CNTNAP5: variants seen among roughly 807,000 people sequenced by gnomAD.
CNTNAP5 encodes the protein contactin-associated protein-like 5.
CNTNAP5 carries 72 observed loss-of-function variants against 150.2 expected under a neutral mutation model. The observed-to-expected ratio is 0.48, with a 90% CI of 0.40 to 0.58. The LOEUF is 0.58. Ranked by LOEUF, CNTNAP5 falls within the 20% of genes least tolerant of loss-of-function variation. CNTNAP5 has a pLI of 0.00. For synonymous variants in CNTNAP5, 672 were observed against 619.8 expected, an observed-to-expected ratio of 1.08 and a Z score of -1.25; for missense variants, 1,636 against 1,626.2, an observed-to-expected ratio of 1.01 and a Z score of -0.10.
chr2:124,545,359 C>T (rs1001645753), intron 10 of CNTNAP5, among the ~76,000 whole-genome samples: 1 of 151,926 alleles, frequency 6.6e-6, no homozygotes, highest in Non-Finnish European at 1.5e-5. Context: ...TAGATTAATG[C>T]CTATCGCAAA....
intron 1 of CNTNAP5, among the ~76,000 whole-genome samples, chr2:124,200,453 CAAT>C (rs1158812756): frequency 6.6e-6 from 1 of 152,066 alleles, no homozygotes; most frequent in Non-Finnish European, 1.5e-5. Flanking sequence ...AGACTAACCT[CAAT>C]AACTTAAATT....
intron 3 of CNTNAP5, among the ~76,000 whole-genome samples, chr2:124,276,318 T>A (rs1033119954): frequency 9.9e-5 from 15 of 152,204 alleles, no homozygotes; most frequent in African/African-American, 3.6e-4. Flanking sequence ...TATGAAATGA[T>A]GTAAAAACAA....
At chr2:124,281,553 G>C (rs1274353414) in intron 3 of CNTNAP5, among the ~76,000 whole-genome samples, 1 of 152,066 alleles carries the variant, frequency 6.6e-6, no homozygotes, top group African/African-American at 2.4e-5. Flanking sequence ...ATATTGTCTT[G>C]TTATGTTTTT....
In CNTNAP5 at chr2:124,400,116, G is replaced by GAA. The variant is rs374595926; in HGVS notation, c.382-17316_382-17315dup. Reference sequence around the variant, plus strand: ...ATGAAAACATAACAGGGCTTATAATGAAAAAAAAAAAATAGGGAAACCAAT... The same window carrying GAA: ...ATGAAAACATAACAGGGCTTATAATGAAAAAAAAAAAAAATAGGGAAACCAAT... On this transcript the variant is annotated intron_variant, in intron 3 of 23. Transcript: ENST00000682447. 6.2e-3 allele frequency among the ~76,000 whole-genome samples: 915 copies of GAA among 147,200 alleles called. 7 individuals carry two copies. The highest frequency in any genetic ancestry group is 0.015 in the African/African-American group (608 of 39,770).
chr2:124,755,911 G>A (rs1054846493), intron 14 of CNTNAP5, among the ~76,000 whole-genome samples: 9 of 152,106 alleles, frequency 5.9e-5, no homozygotes, highest in African/African-American at 2.2e-4. Flanking sequence ...TTGTGGATTT[G>A]TCACTTATTA....
chr2:124,815,640 G>A (rs2104663026), intron 19 of CNTNAP5, among the ~76,000 whole-genome samples: 1 of 152,292 alleles, frequency 6.6e-6, no homozygotes, highest in African/African-American at 2.4e-5. Flanking sequence ...TTGCTCCGAA[G>A]TGCTTAAGAT....
chr2:124,241,095 T>G lies in CNTNAP5; in HGVS notation c.188-1105T>G, dbSNP rs536731056. Among the ~76,000 whole-genome samples, 57 of 152,338 alleles carry G rather than the reference T, an allele frequency of 3.7e-4. 1 individual carries two copies. Among genetic ancestry groups the G allele is most frequent in the South Asian group, 2.9e-3 (14 of 4,830 alleles). On this transcript the variant is annotated intron_variant, in intron 2 of 23. Transcript: ENST00000682447. The stretch of plus-strand genomic sequence containing the variant: ...ACCCATGGCATAATACAGTCTGCGA[T>G]AGCTCCCACATGGGCTTCAGAAGAT...
intron 3 of CNTNAP5, among the ~76,000 whole-genome samples, chr2:124,372,004 T>G (rs367967441): frequency 6.6e-6 from 1 of 151,986 alleles, no homozygotes; most frequent in South Asian, 2.1e-4. Context: ...GAGATTGACA[T>G]GTGTGAGTCA....
chr2:124,180,575 A>G (rs1482629598), intron 1 of CNTNAP5, among the ~76,000 whole-genome samples: 1 of 152,220 alleles, frequency 6.6e-6, no homozygotes, highest in Non-Finnish European at 1.5e-5. Flanking sequence ...AAATAAAATG[A>G]TAAGTTTAGA....
At chr2:124,079,961 T>C (rs1217676884) in intron 1 of CNTNAP5, among the ~76,000 whole-genome samples, 1 of 152,194 alleles carries the variant, frequency 6.6e-6, no homozygotes, top group Non-Finnish European at 1.5e-5. Flanking sequence ...TTGCTACTCA[T>C]AGAAAGTTGA....
intron 3 of CNTNAP5, among the ~76,000 whole-genome samples, chr2:124,283,536 A>G (rs894305351): frequency 3.9e-5 from 6 of 152,200 alleles, no homozygotes; most frequent in South Asian, 2.1e-4. Context: ...GCTGGCTTCA[A>G]TCAAGCACAT....
intron 1 of CNTNAP5, among the ~76,000 whole-genome samples, chr2:124,216,547 A>G (rs1038990085): frequency 1.1e-4 from 17 of 151,556 alleles, no homozygotes; most frequent in African/African-American, 4.1e-4. Flanking sequence ...ACCTCCTCCC[A>G]CCCCACAACA....
At chr2:124,213,232 C>T (rs1227129032) in intron 1 of CNTNAP5, among the ~76,000 whole-genome samples, 1 of 152,116 alleles carries the variant, frequency 6.6e-6, no homozygotes, top group African/African-American at 2.4e-5. Context: ...TTGAAGGCAA[C>T]ATATTAAAAA....
chr2:124,431,525 A>G (rs2104791697), intron 4 of CNTNAP5, among the ~76,000 whole-genome samples: 1 of 146,110 alleles, frequency 6.8e-6, no homozygotes, highest in East Asian at 2.0e-4. Flanking sequence ...ATATATATAT[A>G]TATAAAATTT....
intron 8 of CNTNAP5, among the ~76,000 whole-genome samples, chr2:124,520,965 C>T (rs1193287548): frequency 6.6e-6 from 1 of 152,130 alleles, no homozygotes; most frequent in Non-Finnish European, 1.5e-5. Flanking sequence ...GATCTGTTAA[C>T]AGAATGAAGT....
chr2:124,449,366 C>CA lies in CNTNAP5; in HGVS notation c.918+2437dup, dbSNP rs971231921. Among the ~76,000 whole-genome samples the CA allele has an allele frequency of 7.9e-5, 12 of 151,628 alleles. 1 individual carries two copies. The South Asian group carries it at 8.4e-4, about 11-fold the overall frequency. ...ATAAACTCAAAGACAACAACAACAGCAAAAAAAACAAAACAAACAAACAAA... is the reference window on the plus strand; with the variant it reads ...ATAAACTCAAAGACAACAACAACAGCAAAAAAAAACAAAACAAACAAACAAA... On this transcript the variant is annotated intron_variant, in intron 6 of 23. Transcript: ENST00000682447.
At chr2:124,081,968 G>A (rs1332128580) in intron 1 of CNTNAP5, among the ~76,000 whole-genome samples, 1 of 152,038 alleles carries the variant, frequency 6.6e-6, no homozygotes, top group East Asian at 1.9e-4. Context: ...CCCTTTTATA[G>A]TCAGTTTCTT....
At chr2:124,673,828 G>A (rs932873602) in intron 13 of CNTNAP5, among the ~76,000 whole-genome samples, 2 of 148,718 alleles carry the variant, frequency 1.3e-5, no homozygotes, top group Non-Finnish European at 3.0e-5. Context: ...ATATTTTCAC[G>A]ATGATAAGGT....
chr2:124,688,731 G>A (rs1454136), intron 13 of CNTNAP5, among the ~76,000 whole-genome samples: 40,120 of 151,944 alleles, frequency 0.26, 6,075 homozygotes, highest in Non-Finnish European at 0.34. Context: ...GACCTTTTAA[G>A]CAATAATGTA....
Sources: allele counts gnomAD v4.1 joint callset (sites outside exome capture counted in the v4.1 genomes callset), GRCh38; gene constraint gnomAD v4.1.1; transcripts MANE v1.5; gene names NCBI Gene and HGNC (gene_info 2026-07-23, HGNC 2026-07-21).